PRKAG2: variants seen among roughly 807,000 people sequenced by gnomAD.
The protein encoded by PRKAG2 is protein kinase AMP-activated non-catalytic subunit gamma 2.
In PRKAG2, 26 loss-of-function variants were observed where a neutral mutation model predicts 69.6. The ratio of observed to expected loss-of-function variants is 0.37; its 90% confidence interval spans 0.27 to 0.52. PRKAG2 has a LOEUF of 0.52. Ranked by LOEUF, PRKAG2 falls within the 20% of genes least tolerant of loss-of-function variation. PRKAG2 has a pLI of 0.90. For synonymous variants in PRKAG2, 293 were observed against 285.0 expected, an observed-to-expected ratio of 1.03 and a Z score of -0.28; for missense variants, 557 against 740.0, an observed-to-expected ratio of 0.75 and a Z score of 2.87.
At chr7:151,710,670 C>T (rs1795146871) in intron 3 of PRKAG2, among the ~76,000 whole-genome samples, 1 of 152,248 alleles carries the variant, frequency 6.6e-6, no homozygotes, top group African/African-American at 2.4e-5. Context: ...TCACACACCC[C>T]CATTTGCCAC....
At chr7:151,575,081 A>G in intron 7 of PRKAG2, 132 bp from the exon 8 acceptor site, 1 of 1,306,488 alleles carries the variant, frequency 7.7e-7, no homozygotes, top group Non-Finnish European at 1.0e-6. Flanking sequence ...GCAGAGTTTA[A>G]TATATTATTT....
Position 151,638,611 on chromosome 7 carries a change from C to T in PRKAG2, c.685-6473G>A, listed in dbSNP as rs568279281. ...ATTGCACCACTGCACTCCAGCTTGG[C>T]GACAGAGTGAGACTCTGTCTCAAAA... is the stretch of plus-strand genomic sequence containing the variant. On this transcript the variant is annotated intron_variant, in intron 4 of 15. Transcript: ENST00000287878. This position sits in a 1 kb window ranked among gnomAD's most constrained non-coding sequence, Gnocchi z 4.3. Among the ~76,000 whole-genome samples the T allele has an allele frequency of 1.3e-5, 2 of 151,606 alleles. No individual in the cohort carries two copies. Among genetic ancestry groups the T allele is most frequent in the Non-Finnish European group, 1.5e-5 (1 of 67,946 alleles).
chr7:151,770,356 A>T (rs2075963404), intron 3 of PRKAG2, among the ~76,000 whole-genome samples: 1 of 152,248 alleles, frequency 6.6e-6, no homozygotes, highest in Admixed American at 6.5e-5. Flanking sequence ...ACATGGATGC[A>T]TGCTGCACAC....
intron 1 of PRKAG2, among the ~76,000 whole-genome samples, chr7:151,872,337 G>A (rs552758357): frequency 7.2e-5 from 11 of 152,262 alleles, no homozygotes; most frequent in East Asian, 5.8e-4. Context: ...ACACCAGCCC[G>A]TTTCCCATCA....
At chr7:151,679,332 T>C (rs1463296168) in intron 3 of PRKAG2, among the ~76,000 whole-genome samples, 1 of 152,060 alleles carries the variant, frequency 6.6e-6, no homozygotes, top group Non-Finnish European at 1.5e-5. Context: ...GACCCCAGAG[T>C]CATATCCTTC....
intron 3 of PRKAG2, among the ~76,000 whole-genome samples, chr7:151,747,293 T>C (rs1054181581): frequency 4.6e-5 from 7 of 152,214 alleles, no homozygotes; most frequent in Admixed American, 6.5e-5. Context: ...CTGTTGGCTC[T>C]CGCCAGTAAT....
At chr7:151,871,351 G>A (rs895850799) in intron 1 of PRKAG2, among the ~76,000 whole-genome samples, 1 of 152,218 alleles carries the variant, frequency 6.6e-6, no homozygotes, top group Admixed American at 6.5e-5. Flanking sequence ...TCAGAGCAGG[G>A]AGCCAAGGCG....
chr7:151,794,217 G>C (rs1040014978), intron 1 of PRKAG2, among the ~76,000 whole-genome samples: 2 of 152,188 alleles, frequency 1.3e-5, no homozygotes, highest in African/African-American at 4.8e-5. Flanking sequence ...TTCCTCGTCT[G>C]GCCCGAGGCC....
intron 1 of PRKAG2, among the ~76,000 whole-genome samples, chr7:151,860,085 G>A (rs1046155835): frequency 6.6e-6 from 1 of 152,206 alleles, no homozygotes; most frequent in Non-Finnish European, 1.5e-5. Context: ...TGCTGGACCC[G>A]GAGGGGCCCT....
At chr7:151,762,438 C>T (rs2075474550) in intron 3 of PRKAG2, among the ~76,000 whole-genome samples, 1 of 152,128 alleles carries the variant, frequency 6.6e-6, no homozygotes, top group African/African-American at 2.4e-5. Context: ...CACAAGAAGC[C>T]TAGCTGTGGC....
In PRKAG2 at chr7:151,765,336, G is replaced by A. The variant is rs190318626; in HGVS notation, c.466+15816C>T. Reference sequence around the variant, plus strand: ...ACACACTTTTCAACAACCAGATCTCGTGAGAACTCATTCACTATCGCCAGA... The same window carrying A: ...ACACACTTTTCAACAACCAGATCTCATGAGAACTCATTCACTATCGCCAGA... On this transcript the variant is annotated intron_variant, in intron 3 of 15. Coordinates refer to ENST00000287878, the MANE Select transcript of PRKAG2 (RefSeq NM_016203.4). 1.4e-3 allele frequency among the ~76,000 whole-genome samples: 218 copies of A among 152,266 alleles called. 1 individual carries two copies. The highest frequency in any genetic ancestry group is 2.6e-3 in the Non-Finnish European group (175 of 68,002).
At chr7:151,696,680 A>C (rs1836731061) in intron 3 of PRKAG2, among the ~76,000 whole-genome samples, 1 of 152,240 alleles carries the variant, frequency 6.6e-6, no homozygotes. Flanking sequence ...TGGGATTTGA[A>C]GCCCCTGTCT....
At chr7:151,678,856 G>A (rs943987211) in intron 3 of PRKAG2, among the ~76,000 whole-genome samples, 4 of 152,282 alleles carry the variant, frequency 2.6e-5, no homozygotes, top group African/African-American at 9.6e-5. Flanking sequence ...CCACTCCAGA[G>A]GCTGAGGCAG....
intron 3 of PRKAG2, among the ~76,000 whole-genome samples, chr7:151,693,660 A>G (rs916273166): frequency 2.0e-5 from 3 of 152,112 alleles, no homozygotes; most frequent in Non-Finnish European, 2.9e-5. Flanking sequence ...GTTGAATTCT[A>G]CCCGCAAGGT....
At chr7:151,743,165 G>T (rs554770378) in intron 3 of PRKAG2, among the ~76,000 whole-genome samples, 1 of 152,276 alleles carries the variant, frequency 6.6e-6, no homozygotes, top group African/African-American at 2.4e-5. Flanking sequence ...TTTTTAAAGG[G>T]AGGGGCTGAA....
intron 3 of PRKAG2, among the ~76,000 whole-genome samples, chr7:151,776,958 G>C (rs557796285): frequency 6.6e-6 from 1 of 152,246 alleles, no homozygotes; most frequent in South Asian, 2.1e-4. Flanking sequence ...AGGACCCCTT[G>C]GGTGCTGGAC....
At chr7:151,774,368 C>A (rs1223273011) in intron 3 of PRKAG2, among the ~76,000 whole-genome samples, 5 of 152,188 alleles carry the variant, frequency 3.3e-5, no homozygotes, top group African/African-American at 9.7e-5. Flanking sequence ...GAATCCAGAA[C>A]CATGGTCCCC....
chr7:151,653,912 A>G (rs1243788365), intron 4 of PRKAG2, among the ~76,000 whole-genome samples: 1 of 152,210 alleles, frequency 6.6e-6, no homozygotes, highest in Non-Finnish European at 1.5e-5. Context: ...TCATATACTC[A>G]TAATGACAGA....
intron 3 of PRKAG2, among the ~76,000 whole-genome samples, chr7:151,706,722 G>A (rs1183235948): frequency 6.6e-6 from 1 of 152,250 alleles, no homozygotes; most frequent in African/African-American, 2.4e-5. Context: ...CCCAGACTAG[G>A]CGTTAGCTGT....
Sources: allele counts gnomAD v4.1 joint callset (sites outside exome capture counted in the v4.1 genomes callset), GRCh38; gene constraint gnomAD v4.1.1; non-coding constraint Gnocchi (gnomAD v3.1); transcripts MANE v1.5; gene names NCBI Gene and HGNC (gene_info 2026-07-23, HGNC 2026-07-21).